The following NTNG1 variants were observed in gnomAD, a reference collection of about 807,000 sequenced individuals.
The protein encoded by NTNG1 is netrin G1.
A neutral mutation model predicts 54.0 loss-of-function variants in NTNG1; 16 were observed. That is an observed-to-expected ratio of 0.30 (90% CI 0.20 to 0.45). The LOEUF is 0.45. NTNG1 is among the 20% of genes least tolerant of loss of function. The pLI, the probability that NTNG1 is intolerant of heterozygous loss-of-function variation, is 1.00. For missense variants in NTNG1, 530 were observed against 678.7 expected (o/e 0.78, Z 2.43); for synonymous variants, 255 against 263.1 (o/e 0.97, Z 0.30).
rs1253790598 is a variant in NTNG1, at chr1:107,482,772, G to A, written c.*1932G>A. On this transcript the variant is annotated 3_prime_UTR_variant, in exon 8 of 8. Coordinates refer to ENST00000370068, the MANE Select transcript of NTNG1 (RefSeq NM_001113226.3). ...GGAATGTCTCCTGATAAATAACCTGGGTAAAAACTAGATGAAGGAACAGCA... is the reference window on the plus strand; with the variant it reads ...GGAATGTCTCCTGATAAATAACCTGAGTAAAAACTAGATGAAGGAACAGCA... 6.6e-6 allele frequency: 1 copy of A among 152,048 alleles called. No individual in the cohort carries two copies. The highest frequency in any genetic ancestry group is 2.4e-5 in the African/African-American group (1 of 41,370). 9.4% of individuals were successfully genotyped at this position (152,048 alleles called of 1,614,324 possible). A position where few individuals can be genotyped will look rare whatever the true frequency, so the allele number is the denominator to read the frequency against.
At chr1:107,362,743 T>C (rs1670371920) in intron 3 of NTNG1, among the ~76,000 whole-genome samples, 1 of 152,228 alleles carries the variant, frequency 6.6e-6, no homozygotes, top group Admixed American at 6.5e-5. Context: ...TAAAACACTT[T>C]GTAAACTGTA....
chr1:107,454,336 T>A (rs1558011590), intron 7 of NTNG1, among the ~76,000 whole-genome samples: 1 of 152,192 alleles, frequency 6.6e-6, no homozygotes, highest in Admixed American at 6.5e-5. Flanking sequence ...CACCCATGCA[T>A]ACTTTGCACA....
intron 2 of NTNG1, among the ~76,000 whole-genome samples, chr1:107,221,952 C>T (rs1451672543): frequency 6.6e-6 from 1 of 152,132 alleles, no homozygotes; most frequent in Non-Finnish European, 1.5e-5. Context: ...CTCCTTTTCC[C>T]CTACCTCCAT....
chr1:107,376,374 C>T (rs1041533627), intron 3 of NTNG1, among the ~76,000 whole-genome samples: 2 of 151,512 alleles, frequency 1.3e-5, no homozygotes. Flanking sequence ...CGCCACTGCA[C>T]TCCAGCCTGG....
chr1:107,423,534 G>A (rs1002746787), intron 5 of NTNG1, among the ~76,000 whole-genome samples: 2 of 152,102 alleles, frequency 1.3e-5, no homozygotes, highest in East Asian at 1.9e-4. Flanking sequence ...ATGGCTGTAC[G>A]TGGTACAGGG....
intron 5 of NTNG1, among the ~76,000 whole-genome samples, chr1:107,413,232 A>G (rs1413171848): frequency 6.7e-6 from 1 of 150,332 alleles, no homozygotes. Flanking sequence ...ACGCAGTCTC[A>G]GCTTACTGCA....
At chr1:107,316,333 T>C (rs1667334346) in intron 2 of NTNG1, among the ~76,000 whole-genome samples, 1 of 152,214 alleles carries the variant, frequency 6.6e-6, no homozygotes, top group Non-Finnish European at 1.5e-5. Flanking sequence ...AGGAATTTTA[T>C]GTCAGGATGG....
chr1:107,253,836 T>A (rs1288585388), intron 2 of NTNG1, among the ~76,000 whole-genome samples: 1 of 152,246 alleles, frequency 6.6e-6, no homozygotes, highest in Admixed American at 6.5e-5. Context: ...ATTAGTATTC[T>A]TTTAAACTGG....
intron 3 of NTNG1, among the ~76,000 whole-genome samples, chr1:107,364,454 A>G (rs1047445928): frequency 1.3e-5 from 2 of 152,140 alleles, no homozygotes; most frequent in South Asian, 4.1e-4. Flanking sequence ...GTTTTACTTG[A>G]ATTATTTCAT....
chr1:107,190,474 C>T (rs953763044), intron 2 of NTNG1, among the ~76,000 whole-genome samples: 9 of 152,066 alleles, frequency 5.9e-5, no homozygotes, highest in South Asian at 2.1e-4. Context: ...ATGTGCACAA[C>T]GTGCAGGTTT....
chr1:107,367,839 G>A (rs1478124192), intron 3 of NTNG1, among the ~76,000 whole-genome samples: 1 of 151,962 alleles, frequency 6.6e-6, no homozygotes, highest in Non-Finnish European at 1.5e-5. Flanking sequence ...TCAGCTCACT[G>A]CAGCCTCCGC....
At chr1:107,159,454 A>G (rs1655251484) in intron 2 of NTNG1, among the ~76,000 whole-genome samples, 1 of 152,196 alleles carries the variant, frequency 6.6e-6, no homozygotes, top group Non-Finnish European at 1.5e-5. Flanking sequence ...AAGAACTTAC[A>G]TGGTGTCATG....
At chr1:107,276,020 G>T (rs546667829) in intron 2 of NTNG1, among the ~76,000 whole-genome samples, 1 of 152,268 alleles carries the variant, frequency 6.6e-6, no homozygotes, top group South Asian at 2.1e-4. Context: ...AAATGTGTTA[G>T]CCTCCTGAAT....
intron 5 of NTNG1, among the ~76,000 whole-genome samples, chr1:107,415,967 A>G (rs939639967): frequency 2.0e-5 from 3 of 152,310 alleles, no homozygotes; most frequent in African/African-American, 7.2e-5. Context: ...TTACTCAGAG[A>G]GTAATTGGCT....
At chr1:107,208,488 G>T (rs1336724922) in intron 2 of NTNG1, among the ~76,000 whole-genome samples, 1 of 151,052 alleles carries the variant, frequency 6.6e-6, no homozygotes, top group Non-Finnish European at 1.5e-5. Flanking sequence ...ATACTTCTTT[G>T]CTTGCTTCTC....
intron 3 of NTNG1, among the ~76,000 whole-genome samples, chr1:107,367,898 A>G (rs1449779871): frequency 6.6e-6 from 1 of 151,964 alleles, no homozygotes; most frequent in East Asian, 1.9e-4. Context: ...AGTAGCTGTG[A>G]CTACATGCAC....
chr1:107,273,354 T>C lies in NTNG1; in HGVS notation c.247-50928T>C, dbSNP rs190341327. 1.4e-3 allele frequency among the ~76,000 whole-genome samples: 216 copies of C among 152,340 alleles called. 2 individuals carry two copies. The highest frequency in any genetic ancestry group is 1.6e-3 in the Non-Finnish European group (112 of 68,022). ...GTATTGGCTTGTGAATTAAGGCAAA[T>C]TATTATAAACTACTGAAGTTATTTA... On this transcript the variant is annotated intron_variant, in intron 2 of 7. Coordinates refer to ENST00000370068, the MANE Select transcript of NTNG1 (RefSeq NM_001113226.3).
At chr1:107,374,317 AT>A (rs1464618404) in intron 3 of NTNG1, among the ~76,000 whole-genome samples, 2 of 152,144 alleles carry the variant, frequency 1.3e-5, no homozygotes, top group Non-Finnish European at 2.9e-5. Context: ...TCAAATATTT[AT>A]TTGGCCCACC....
At chr1:107,425,411 C>G (rs1177705593) in intron 5 of NTNG1, among the ~76,000 whole-genome samples, 2 of 152,046 alleles carry the variant, frequency 1.3e-5, no homozygotes, top group Non-Finnish European at 2.9e-5. Flanking sequence ...TTAACCCCCA[C>G]TTATACATAA....
Sources: gnomAD v4.1 joint callset for allele counts (sites outside exome capture counted in the v4.1 genomes callset) on GRCh38, gnomAD v4.1.1 for gene constraint, MANE v1.5 for transcripts, NCBI Gene and HGNC (gene_info 2026-07-23, HGNC 2026-07-21) for gene names.